The following VTI1A variants were observed in gnomAD, a reference collection of about 807,000 sequenced individuals.
VTI1A encodes vesicle transport through interaction with t-SNAREs 1A, also known as vesicle transport through interaction with t-SNAREs homolog 1A.
VTI1A carries 22 observed loss-of-function variants against 34.9 expected under a neutral mutation model. That is an observed-to-expected ratio of 0.63 (90% CI 0.45 to 0.90). VTI1A has a LOEUF of 0.90. VTI1A is among the 40% of genes least tolerant of loss of function. VTI1A has a pLI of 0.00. For synonymous variants in VTI1A, 87 were observed against 97.3 expected (o/e 0.89, Z 0.62); for missense variants, 268 against 275.6 (o/e 0.97, Z 0.20).
chr10:112,475,466 A>G (rs1335097786), intron 3 of VTI1A, among the ~76,000 whole-genome samples: 1 of 152,244 alleles, frequency 6.6e-6, no homozygotes, highest in Non-Finnish European at 1.5e-5. Context: ...CATCACTGGA[A>G]TTATAGCTAT....
At chr10:112,598,076 A>G (rs1230973362) in intron 5 of VTI1A, among the ~76,000 whole-genome samples, 2 of 152,192 alleles carry the variant, frequency 1.3e-5, no homozygotes, top group Non-Finnish European at 2.9e-5. Context: ...AGTACTGAGC[A>G]TGAGGCCTGG....
intron 5 of VTI1A, among the ~76,000 whole-genome samples, chr10:112,550,835 G>A (rs1851322027): frequency 6.6e-6 from 1 of 152,148 alleles, no homozygotes; most frequent in South Asian, 2.1e-4. Context: ...GGAGGATAAA[G>A]AAGGCACATT....
At chr10:112,652,726 CAA>C (rs779424975) in intron 5 of VTI1A, among the ~76,000 whole-genome samples, 4 of 106,364 alleles carry the variant, frequency 3.8e-5, no homozygotes, top group Admixed American at 1.1e-4. Flanking sequence ...GACCTTGTCT[CAA>C]AAAAAAAAAA....
At chr10:112,729,501 T>C (rs559036179) in intron 7 of VTI1A, among the ~76,000 whole-genome samples, 7 of 152,208 alleles carry the variant, frequency 4.6e-5, no homozygotes, top group Non-Finnish European at 1.0e-4. Flanking sequence ...ACTGTCTCAA[T>C]TTTACAGTTA....
rs1853512508 is a variant in VTI1A, at chr10:112,816,031, T to C, written c.*648T>C. The C allele has an allele frequency of 4.5e-6, 1 of 222,612 alleles. No individual in the cohort carries two copies. The highest frequency in any genetic ancestry group is 9.0e-6 in the Non-Finnish European group (1 of 111,400). The allele number at this position is 222,612 out of a possible 1,614,324, so 13.8% of individuals were successfully genotyped here. On this transcript the variant is annotated 3_prime_UTR_variant, in exon 8 of 8. Transcript: ENST00000393077. ...TATTTTTTTTGCTGAGCCTGCCCAG[T>C]ATTCACTGTTCACAACTTTGATTAC...
intron 5 of VTI1A, among the ~76,000 whole-genome samples, chr10:112,570,482 G>C (rs1355649045): frequency 6.6e-6 from 1 of 151,988 alleles, no homozygotes; most frequent in Non-Finnish European, 1.5e-5. Flanking sequence ...ATTTCCAGTT[G>C]GAAAAATTAG....
At chr10:112,707,546 C>T (rs1398258477) in intron 7 of VTI1A, among the ~76,000 whole-genome samples, 1 of 152,140 alleles carries the variant, frequency 6.6e-6, no homozygotes, top group East Asian at 1.9e-4. Context: ...GTTTGTCAGG[C>T]TGGTCTCGAA....
chr10:112,820,972 A>G (rs893640429), downstream of VTI1A, among the ~76,000 whole-genome samples: 9 of 152,112 alleles, frequency 5.9e-5, no homozygotes, highest in Non-Finnish European at 1.2e-4. Flanking sequence ...GGGGAAAGAC[A>G]GGGTGCATCT....
intron 5 of VTI1A, among the ~76,000 whole-genome samples, chr10:112,582,553 C>T (rs1451935535): frequency 6.6e-6 from 1 of 152,132 alleles, no homozygotes; most frequent in Non-Finnish European, 1.5e-5. Flanking sequence ...CCTTTGAGGG[C>T]ATGGCTGTGC....
intron 7 of VTI1A, among the ~76,000 whole-genome samples, chr10:112,720,055 A>G (rs1328747480): frequency 2.0e-5 from 3 of 152,204 alleles, no homozygotes; most frequent in African/African-American, 7.2e-5. Context: ...AAATCTTCTT[A>G]TTGACAAATA....
At chr10:112,554,156 G>A (rs968493301) in intron 5 of VTI1A, among the ~76,000 whole-genome samples, 1 of 151,920 alleles carries the variant, frequency 6.6e-6, no homozygotes, top group African/African-American at 2.4e-5. Flanking sequence ...ATATTCCTTA[G>A]GTCTGTAACA....
chr10:112,456,473 C>G (rs1406977783), intron 1 of VTI1A, among the ~76,000 whole-genome samples: 1 of 150,632 alleles, frequency 6.6e-6, no homozygotes, highest in Non-Finnish European at 1.5e-5. Context: ...TTTTAATGAC[C>G]GTTGTACCCC....
intron 7 of VTI1A, among the ~76,000 whole-genome samples, chr10:112,812,926 T>G (rs1211892136): frequency 6.6e-6 from 1 of 152,210 alleles, no homozygotes; most frequent in East Asian, 1.9e-4. Flanking sequence ...TTCCTGAGAT[T>G]TTCCTGCAAA....
intron 3 of VTI1A, among the ~76,000 whole-genome samples, chr10:112,475,763 T>C (rs1848256125): frequency 6.6e-6 from 1 of 152,208 alleles, no homozygotes; most frequent in South Asian, 2.1e-4. Context: ...AGAGATTAAT[T>C]ATAAACTGAT....
intron 5 of VTI1A, among the ~76,000 whole-genome samples, chr10:112,559,201 C>A (rs1851635488): frequency 6.6e-6 from 1 of 152,164 alleles, no homozygotes; most frequent in African/African-American, 2.4e-5. Context: ...TAAGTGATTT[C>A]AGATTTTGGA....
the VTI1A span, among the ~76,000 whole-genome samples, chr10:112,845,851 C>G: frequency 5.3e-4 from 80 of 152,298 alleles, no homozygotes; most frequent in African/African-American, 1.9e-3. Flanking sequence ...AACCCCGTCT[C>G]TGCTAAAAAT....
Position 112,684,232 on chromosome 10 carries a change from C to T in VTI1A, c.560+15234C>T, listed in dbSNP as rs184893266. Among the ~76,000 whole-genome samples the T allele has an allele frequency of 4.7e-4, 71 of 152,086 alleles. No homozygotes were observed. The Middle Eastern group carries it at 0.014, about 29-fold the overall frequency. ...TCCTATTATTTGCATTAAGAGTAAACGGAAAGTGTTTTCCCATGCCATTAA... is the reference window on the plus strand; with the variant it reads ...TCCTATTATTTGCATTAAGAGTAAATGGAAAGTGTTTTCCCATGCCATTAA... On this transcript the variant is annotated intron_variant, in intron 7 of 7. Transcript: ENST00000393077.
chr10:112,673,468 G>GCGCGCACACA lies in VTI1A; in HGVS notation c.560+4471_560+4472insGCGCACACAC, dbSNP rs1554938762. On this transcript the variant is annotated intron_variant, in intron 7 of 7. Coordinates refer to ENST00000393077, the MANE Select transcript of VTI1A (RefSeq NM_145206.4). ...TTCACACACATGCGCGCGTGCGCGC[G>GCGCGCACACA]CACACACACACACACGCACTCAGAT... Among the ~76,000 whole-genome samples, 227 of 151,666 alleles carry GCGCGCACACA rather than the reference G, an allele frequency of 1.5e-3. 1 individual carries two copies. The highest frequency in any genetic ancestry group is 9.2e-3 in the East Asian group (47 of 5,136).
At chr10:112,782,680 C>T (rs575780458) in intron 7 of VTI1A, among the ~76,000 whole-genome samples, 70 of 152,280 alleles carry the variant, frequency 4.6e-4, no homozygotes, top group Admixed American at 1.2e-3. Flanking sequence ...GACTTCTCAT[C>T]GGACACAGCA....
Sources: gnomAD v4.1 joint callset for allele counts (sites outside exome capture counted in the v4.1 genomes callset) on GRCh38, gnomAD v4.1.1 for gene constraint, MANE v1.5 for transcripts, NCBI Gene and HGNC (gene_info 2026-07-23, HGNC 2026-07-21) for gene names.